CNTNAP2: variants seen among roughly 807,000 people sequenced by gnomAD.
The protein encoded by CNTNAP2 is contactin associated protein 2.
CNTNAP2 carries 98 observed loss-of-function variants against 155.2 expected under a neutral mutation model. That is an observed-to-expected ratio of 0.63 (90% CI 0.54 to 0.75). The LOEUF (loss-of-function observed/expected upper bound fraction) is 0.75. CNTNAP2 is among the 30% of genes least tolerant of loss of function. The pLI, the probability that CNTNAP2 is intolerant of heterozygous loss-of-function variation, is 0.00. For synonymous variants in CNTNAP2, 651 were observed against 631.2 expected (o/e 1.03, Z -0.47); for missense variants, 1,727 against 1,688.1 (o/e 1.02, Z -0.40).
chr7:146,971,706 C>G (rs1397547480), intron 3 of CNTNAP2, among the ~76,000 whole-genome samples: 3 of 152,060 alleles, frequency 2.0e-5, no homozygotes, highest in African/African-American at 7.2e-5. Context: ...AGGGGTCACT[C>G]TCTGGCCTAC....
intron 8 of CNTNAP2, among the ~76,000 whole-genome samples, chr7:147,250,913 T>A (rs1391255657): frequency 1.3e-5 from 2 of 152,146 alleles, no homozygotes; most frequent in African/African-American, 4.8e-5. Flanking sequence ...TATCTCATGT[T>A]TTCTCTTGAG....
At chr7:146,515,612 A>G (rs1007143106) in intron 1 of CNTNAP2, among the ~76,000 whole-genome samples, 2 of 152,046 alleles carry the variant, frequency 1.3e-5, no homozygotes, top group Non-Finnish European at 2.9e-5. Flanking sequence ...ATTAATAAGG[A>G]ATCTTAAGAG....
intron 9 of CNTNAP2, among the ~76,000 whole-genome samples, chr7:147,388,415 C>G (rs1455058417): frequency 6.6e-6 from 1 of 152,146 alleles, no homozygotes; most frequent in African/African-American, 2.4e-5. Flanking sequence ...GAGAGTGACC[C>G]TGTACGTAGG....
chr7:147,861,992 C>T (rs1055504939), intron 13 of CNTNAP2, among the ~76,000 whole-genome samples: 3 of 84,082 alleles, frequency 3.6e-5, no homozygotes, highest in African/African-American at 1.4e-4. Flanking sequence ...AGTGAAACTC[C>T]ATCTCACAAA....
chr7:147,358,595 T>C (rs2116891457), intron 9 of CNTNAP2, among the ~76,000 whole-genome samples: 1 of 152,190 alleles, frequency 6.6e-6, no homozygotes, highest in Middle Eastern at 3.4e-3. Flanking sequence ...ATGTAAAGGG[T>C]AGATGATGAA....
At chr7:147,310,042 T>C (rs1795094636) in intron 9 of CNTNAP2, among the ~76,000 whole-genome samples, 1 of 152,128 alleles carries the variant, frequency 6.6e-6, no homozygotes, top group Admixed American at 6.6e-5. Context: ...ATTGAACATA[T>C]TAACCTCATC....
intron 10 of CNTNAP2, among the ~76,000 whole-genome samples, chr7:147,434,716 C>G (rs953318800): frequency 6.6e-6 from 1 of 152,170 alleles, no homozygotes; most frequent in African/African-American, 2.4e-5. Flanking sequence ...TAAGTGGTTT[C>G]TTTAGTGTTC....
In CNTNAP2 at chr7:146,144,681, C is replaced by T. The variant is rs561293143; in HGVS notation, c.97+27708C>T. Among the ~76,000 whole-genome samples, 14 of 152,238 alleles carry T rather than the reference C, an allele frequency of 9.2e-5. No individual in the cohort carries two copies. In the South Asian group the frequency reaches 1.7e-3, roughly 18 times the overall value. On this transcript the variant is annotated intron_variant, in intron 1 of 23. Transcript: ENST00000361727. ...ATTCTAGAACTTCGACTCATACTCT[C>T]ATGTTAATTTGGTATAAAAGAAACA... is the stretch of plus-strand genomic sequence containing the variant.
chr7:148,052,821 C>T (rs375572841), intron 15 of CNTNAP2, among the ~76,000 whole-genome samples: 15 of 152,158 alleles, frequency 9.9e-5, no homozygotes, highest in South Asian at 4.1e-4. Context: ...CCAAGGTGAG[C>T]GGATTACTTG....
chr7:146,852,740 C>G (rs1794903482), intron 3 of CNTNAP2, among the ~76,000 whole-genome samples: 1 of 152,206 alleles, frequency 6.6e-6, no homozygotes, highest in African/African-American at 2.4e-5. Context: ...TTGCTAATTT[C>G]ATTTGGATTA....
At chr7:148,407,129 CCAAGGTTTTTATT>C (rs71972020) in intron 22 of CNTNAP2, among the ~76,000 whole-genome samples, 85,503 of 151,350 alleles carry the variant, frequency 0.56, 24,752 homozygotes, top group African/African-American at 0.64. Context: ...AAAAAGAAAG[CCAAGGTTTTTATT>C]CAAGGTTTTT....
rs368935806 is a variant in CNTNAP2 at position 147,221,037 on chromosome 7, T to A, written c.1349-79104T>A. ...ACACTTCTTTTTAATACTTTTTTTTTAAATTGTTGTCCTGGAGTTGCAATA... is the reference window on the plus strand; with the variant it reads ...ACACTTCTTTTTAATACTTTTTTTTAAAATTGTTGTCCTGGAGTTGCAATA... On this transcript the variant is annotated intron_variant, in intron 8 of 23. Transcript: ENST00000361727. Among the ~76,000 whole-genome samples the A allele has an allele frequency of 3.1e-4, 47 of 152,154 alleles. 1 individual carries two copies. In the Middle Eastern group the frequency reaches 0.017, roughly 55 times the overall value.
chr7:147,252,256 G>A (rs567138350), intron 8 of CNTNAP2, among the ~76,000 whole-genome samples: 32 of 152,278 alleles, frequency 2.1e-4, no homozygotes, highest in Admixed American at 5.9e-4. Context: ...ATGTAGGCAA[G>A]TTTCAAAACT....
At chr7:146,118,124 C>T (rs192878794) in intron 1 of CNTNAP2, among the ~76,000 whole-genome samples, 132 of 152,122 alleles carry the variant, frequency 8.7e-4, no homozygotes, top group African/African-American at 3.0e-3. Context: ...ACAGGAATAG[C>T]ATTGAAAAAG....
chr7:147,051,182 A>T (rs915567251), intron 4 of CNTNAP2, among the ~76,000 whole-genome samples: 5 of 121,112 alleles, frequency 4.1e-5, no homozygotes, highest in Admixed American at 7.8e-5. Flanking sequence ...ATACATATAT[A>T]TGTATATATA....
At chr7:146,243,392 C>G (rs1799594520) in intron 1 of CNTNAP2, among the ~76,000 whole-genome samples, 1 of 151,846 alleles carries the variant, frequency 6.6e-6, no homozygotes, top group Non-Finnish European at 1.5e-5. Flanking sequence ...AGGTTAATAC[C>G]AGACCATTTT....
intron 4 of CNTNAP2, among the ~76,000 whole-genome samples, chr7:147,070,860 A>G (rs1224478512): frequency 6.6e-6 from 1 of 152,198 alleles, no homozygotes; most frequent in Non-Finnish European, 1.5e-5. Context: ...GAAATGTATC[A>G]GAACATGATT....
intron 8 of CNTNAP2, among the ~76,000 whole-genome samples, chr7:147,203,952 G>A (rs1050996254): frequency 5.9e-5 from 9 of 152,004 alleles, no homozygotes; most frequent in Admixed American, 4.6e-4. Context: ...ATGTTGTTTA[G>A]AATAACTTAG....
At chr7:146,751,577 T>G (rs1004191348) in intron 1 of CNTNAP2, among the ~76,000 whole-genome samples, 1 of 152,200 alleles carries the variant, frequency 6.6e-6, no homozygotes, top group Non-Finnish European at 1.5e-5. Flanking sequence ...CTACTAAATC[T>G]TACATTTTAT....
Sources: allele counts gnomAD v4.1 joint callset (sites outside exome capture counted in the v4.1 genomes callset), GRCh38; gene constraint gnomAD v4.1.1; transcripts MANE v1.5; gene names NCBI Gene and HGNC (gene_info 2026-07-23, HGNC 2026-07-21).